PLXDC2: variants seen among roughly 807,000 people sequenced by gnomAD.
The protein encoded by PLXDC2 is plexin domain-containing protein 2.
A neutral mutation model predicts 68.9 loss-of-function variants in PLXDC2; 40 were observed. The ratio of observed to expected loss-of-function variants is 0.58; its 90% confidence interval spans 0.45 to 0.76. The LOEUF (loss-of-function observed/expected upper bound fraction) is 0.76, where lower values mean the gene tolerates loss of function less well. Ranked by LOEUF, PLXDC2 falls within the 30% of genes least tolerant of loss-of-function variation. PLXDC2 has a pLI of 0.00. For synonymous variants in PLXDC2, 243 were observed against 234.2 expected (o/e 1.04, Z -0.34); for missense variants, 644 against 661.9 (o/e 0.97, Z 0.30).
intron 1 of PLXDC2, among the ~76,000 whole-genome samples, chr10:19,910,468 A>T (rs190770428): frequency 1.1e-3 from 166 of 151,640 alleles, no homozygotes; most frequent in African/African-American, 4.0e-3. Flanking sequence ...AGACTGTGGG[A>T]TTACGGATCT....
intron 4 of PLXDC2, among the ~76,000 whole-genome samples, chr10:20,098,056 T>C (rs1394144018): frequency 6.6e-6 from 1 of 151,846 alleles, no homozygotes; most frequent in Non-Finnish European, 1.5e-5. Flanking sequence ...TACTCTCCTA[T>C]CAGTTTTATT....
At chr10:19,857,485 A>G (rs1837236647) in intron 1 of PLXDC2, among the ~76,000 whole-genome samples, 1 of 152,228 alleles carries the variant, frequency 6.6e-6, no homozygotes, top group Non-Finnish European at 1.5e-5. Context: ...AGAATTATTC[A>G]TATACTTAAA....
intron 1 of PLXDC2, among the ~76,000 whole-genome samples, chr10:19,963,274 T>G (rs1407446432): frequency 1.3e-5 from 2 of 152,168 alleles, no homozygotes; most frequent in South Asian, 2.1e-4. Context: ...ATCTGACATC[T>G]GATGTATTTG....
intron 1 of PLXDC2, among the ~76,000 whole-genome samples, chr10:20,001,260 C>T (rs188639684): frequency 9.9e-5 from 15 of 152,276 alleles, no homozygotes; most frequent in Admixed American, 7.2e-4. Context: ...CCCATTTACA[C>T]GAAGACAATT....
At chr10:19,940,098 C>G (rs2131397095) in intron 1 of PLXDC2, among the ~76,000 whole-genome samples, 1 of 151,790 alleles carries the variant, frequency 6.6e-6, no homozygotes, top group South Asian at 2.1e-4. Context: ...GAAAGAATCT[C>G]AAGACTAGAG....
intron 1 of PLXDC2, among the ~76,000 whole-genome samples, chr10:19,847,786 C>A (rs574359512): frequency 7.2e-5 from 11 of 152,268 alleles, no homozygotes; most frequent in African/African-American, 2.6e-4. Flanking sequence ...ACACCACTAT[C>A]ACATAGAGTC....
At chr10:20,146,585 G>C (rs1834084922) in intron 5 of PLXDC2, among the ~76,000 whole-genome samples, 1 of 135,868 alleles carries the variant, frequency 7.4e-6, no homozygotes, top group Non-Finnish European at 1.5e-5. Flanking sequence ...GGAAGGAAGA[G>C]ACCTGAGTGG....
intron 1 of PLXDC2, among the ~76,000 whole-genome samples, chr10:19,968,951 A>G (rs1834307224): frequency 6.6e-6 from 1 of 152,206 alleles, no homozygotes; most frequent in African/African-American, 2.4e-5. Context: ...GTAAGTAATC[A>G]GTTACTGTAA....
At chr10:19,977,002 A>T (rs1017852766) in intron 1 of PLXDC2, among the ~76,000 whole-genome samples, 1 of 152,034 alleles carries the variant, frequency 6.6e-6, no homozygotes, top group Non-Finnish European at 1.5e-5. Context: ...AATGAAAGGT[A>T]TTCTCTGATC....
intron 9 of PLXDC2, among the ~76,000 whole-genome samples, chr10:20,197,351 A>T (rs12762066): frequency 0.47 from 69,599 of 149,126 alleles, 16,093 homozygotes; most frequent in Middle Eastern, 0.55. Flanking sequence ...ATCTATGGTG[A>T]TTGTTTTTTG....
intron 13 of PLXDC2, among the ~76,000 whole-genome samples, chr10:20,266,114 A>G (rs1435863798): frequency 6.6e-6 from 1 of 152,210 alleles, no homozygotes; most frequent in Admixed American, 6.5e-5. Context: ...CATCCAGTGC[A>G]CATAAGGTCA....
intron 1 of PLXDC2, among the ~76,000 whole-genome samples, chr10:19,963,868 C>G (rs1382024576): frequency 6.6e-6 from 1 of 151,870 alleles, no homozygotes; most frequent in African/African-American, 2.4e-5. Flanking sequence ...GCTTTTGTTT[C>G]TTTAGGCTTT....
rs746698599 is a variant in PLXDC2, at chr10:20,284,936, G to A, written c.*5117G>A. The A allele has an allele frequency of 3.3e-5, 5 of 152,140 alleles. No individual in the cohort carries two copies. The highest frequency in any genetic ancestry group is 4.8e-5 in the African/African-American group (2 of 41,430). The allele number at this position is 152,140 out of a possible 1,614,324, so 9.4% of individuals were successfully genotyped here. On this transcript the variant is annotated 3_prime_UTR_variant, in exon 14 of 14. Coordinates refer to ENST00000377252, the MANE Select transcript of PLXDC2 (RefSeq NM_032812.9). The stretch of plus-strand genomic sequence containing the variant: ...AGAGATTTCAAGTTCTAGCCATTGC[G>A]GGGTCTTTGTGGTGTTTTCAATTTC...
At chr10:20,004,005 T>G (rs1052759640) in intron 2 of PLXDC2, among the ~76,000 whole-genome samples, 2 of 152,208 alleles carry the variant, frequency 1.3e-5, no homozygotes, top group Admixed American at 6.5e-5. Context: ...TTCTCTGAGC[T>G]GACAGGCTTA....
intron 1 of PLXDC2, among the ~76,000 whole-genome samples, chr10:19,839,946 G>A (rs1221876177): frequency 2.0e-5 from 3 of 152,110 alleles, no homozygotes; most frequent in Non-Finnish European, 2.9e-5. Flanking sequence ...GTTTGAATAG[G>A]TTGGCAGTAG....
intron 4 of PLXDC2, among the ~76,000 whole-genome samples, chr10:20,138,123 CTT>C (rs1833957309): frequency 6.6e-6 from 1 of 152,138 alleles, no homozygotes; most frequent in Admixed American, 6.5e-5. Context: ...TTTTGGAACA[CTT>C]TATTTAGAAG....
At chr10:19,834,226 A>C (rs1166851598) in intron 1 of PLXDC2, among the ~76,000 whole-genome samples, 2 of 152,192 alleles carry the variant, frequency 1.3e-5, no homozygotes, top group Admixed American at 1.3e-4. Context: ...TGTGCTAAAA[A>C]GACAGGTATA....
chr10:19,918,469 T>A (rs1454086644), intron 1 of PLXDC2, among the ~76,000 whole-genome samples: 1 of 152,124 alleles, frequency 6.6e-6, no homozygotes, highest in Non-Finnish European at 1.5e-5. Context: ...GAAAAGCACA[T>A]AGGGGCATGG....
intron 7 of PLXDC2, among the ~76,000 whole-genome samples, chr10:20,166,434 T>A (rs1834375353): frequency 6.6e-6 from 1 of 152,134 alleles, no homozygotes; most frequent in Admixed American, 6.6e-5. Context: ...TGAGTATGTG[T>A]AGGCAACATA....
Sources: allele counts gnomAD v4.1 joint callset (sites outside exome capture counted in the v4.1 genomes callset), GRCh38; gene constraint gnomAD v4.1.1; transcripts MANE v1.5; gene names NCBI Gene and HGNC (gene_info 2026-07-23, HGNC 2026-07-21).